Variants in KCNQ1 observed in about 807,000 individuals in gnomAD.
The protein encoded by KCNQ1 is potassium voltage-gated channel subfamily KQT member 1.
Under a neutral mutation model 72.4 loss-of-function variants are expected in KCNQ1, and 49 were observed. The observed-to-expected ratio is 0.68, with a 90% CI of 0.54 to 0.86. KCNQ1 has a LOEUF of 0.86. Among genes scored for constraint, KCNQ1 ranks in the 40% least tolerant of loss-of-function variants. The probability of loss-of-function intolerance (pLI) is 0.00; values close to 1 mark genes in which losing one functional copy is unlikely to be tolerated. For synonymous variants in KCNQ1, 450 were observed against 412.6 expected (o/e 1.09, Z -1.10); for missense variants, 790 against 945.1 (o/e 0.84, Z 2.15).
chr11:2,487,688 T>C (rs1012776596), intron 1 of KCNQ1, among the ~76,000 whole-genome samples: 3 of 152,204 alleles, frequency 2.0e-5, no homozygotes, highest in Admixed American at 2.0e-4. Flanking sequence ...CATATAGAAA[T>C]GCAACTGATT....
rs528058560 is a variant in KCNQ1, at chr11:2,493,490, C to T, written c.387-34438C>T. On this transcript the variant is annotated intron_variant, in intron 1 of 15. Transcript: ENST00000155840. This position sits in a 1 kb window ranked among gnomAD's most constrained non-coding sequence, Gnocchi z 5.3. Reference sequence around the variant, plus strand: ...AGGGTTTCCGTGGTTTTAGGTTTTACATTTAAGTCTTTAATCATCTTGAGT... The same window carrying T: ...AGGGTTTCCGTGGTTTTAGGTTTTATATTTAAGTCTTTAATCATCTTGAGT... 6.6e-6 allele frequency among the ~76,000 whole-genome samples: 1 copy of T among 152,294 alleles called. No homozygotes were observed. Among genetic ancestry groups the T allele is most frequent in the African/African-American group, 2.4e-5 (1 of 41,560 alleles).
intron 10 of KCNQ1, chr11:2,646,924 T>C (rs995988059): frequency 2.5e-6 from 1 of 398,562 alleles, no homozygotes; most frequent in Non-Finnish European, 4.4e-6. Flanking sequence ...TATAAGATTA[T>C]GCCATCTGCA....
chr11:2,676,636 C>G lies in KCNQ1; in HGVS notation c.1514+14555C>G, dbSNP rs1467456881. On this transcript the variant is annotated intron_variant, in intron 11 of 15. Transcript: ENST00000155840. This position sits in a 1 kb window ranked among gnomAD's most constrained non-coding sequence, Gnocchi z 4.2. ...TAAGAAATGGGTAGCTTCACAGATTCACAGATAGATAGTTCATTAAGGTCT... is the reference window on the plus strand; with the variant it reads ...TAAGAAATGGGTAGCTTCACAGATTGACAGATAGATAGTTCATTAAGGTCT... 1 of 398,654 alleles carries G rather than the reference C, an allele frequency of 2.5e-6. No individual in the cohort carries two copies. Among genetic ancestry groups the G allele is most frequent in the African/African-American group, 2.1e-5 (1 of 48,746 alleles). The allele number at this position is 398,654 out of a possible 1,614,324, so 24.7% of individuals were successfully genotyped here.
In KCNQ1 at chr11:2,652,438, T is replaced by C. The variant is rs1472447473; in HGVS notation, c.1394-9523T>C. ...ATTTTGTCTTGAAAATCAAGGCCAC[T>C]TTTTTGTTTTCTCCATCCAAAGACC... On this transcript the variant is annotated intron_variant, in intron 10 of 15. Coordinates refer to ENST00000155840, the MANE Select transcript of KCNQ1 (RefSeq NM_000218.3). This position sits in a 1 kb window ranked among gnomAD's most constrained non-coding sequence, Gnocchi z 5.9. 1 of 398,534 alleles carries C rather than the reference T, an allele frequency of 2.5e-6. No individual in the cohort carries two copies. Among genetic ancestry groups the C allele is most frequent in the East Asian group, 3.6e-5 (1 of 28,098 alleles). The allele number at this position is 398,534 out of a possible 1,614,324, so 24.7% of individuals were successfully genotyped here. A position where few individuals can be genotyped will look rare whatever the true frequency, so the allele number is the denominator to read the frequency against.
At chr11:2,576,816 G>A (rs1848429915) in intron 6 of KCNQ1, among the ~76,000 whole-genome samples, 1 of 152,242 alleles carries the variant, frequency 6.6e-6, no homozygotes, top group Non-Finnish European at 1.5e-5. Context: ...GAAGAGCTGG[G>A]GAAGCCAAGG....
intron 2 of KCNQ1, among the ~76,000 whole-genome samples, chr11:2,531,521 G>T: frequency 6.6e-6 from 1 of 152,166 alleles, no homozygotes; most frequent in Non-Finnish European, 1.5e-5. Context: ...CATCCCAGCA[G>T]CCCTGCCCAC....
intron 1 of KCNQ1, among the ~76,000 whole-genome samples, chr11:2,448,643 T>C (rs1846078578): frequency 1.3e-5 from 2 of 152,230 alleles, no homozygotes; most frequent in South Asian, 2.1e-4. Context: ...GACGGGGCTC[T>C]CTGAGCCATC....
At chr11:2,709,211 G>A (rs892428771) in intron 11 of KCNQ1, among the ~76,000 whole-genome samples, 2 of 142,340 alleles carry the variant, frequency 1.4e-5, no homozygotes, top group Admixed American at 7.4e-5. Flanking sequence ...TCTCCTGCAC[G>A]GCTTCCAGGC....
chr11:2,517,881 C>T (rs1198952255), intron 1 of KCNQ1, among the ~76,000 whole-genome samples: 1 of 152,230 alleles, frequency 6.6e-6, no homozygotes. Flanking sequence ...GGTGGCGGAA[C>T]GCTGCCTCAG....
intron 11 of KCNQ1, chr11:2,693,573 G>T (rs560499996): frequency 5.0e-6 from 2 of 398,672 alleles, no homozygotes; most frequent in East Asian, 7.1e-5. Context: ...GAGGAGCAGG[G>T]ATTCTTCCAT....
intron 1 of KCNQ1, among the ~76,000 whole-genome samples, chr11:2,503,825 G>A (rs941652970): frequency 5.9e-5 from 9 of 152,160 alleles, no homozygotes; most frequent in Admixed American, 1.3e-4. Flanking sequence ...CAAAAGATAG[G>A]CAATAATGGA....
chr11:2,694,789 G>A (rs1850647477), intron 11 of KCNQ1: 3 of 398,624 alleles, frequency 7.5e-6, no homozygotes, highest in Non-Finnish European at 1.3e-5. Context: ...GCAGAGACTC[G>A]AAAGGTAGTC....
In KCNQ1 at chr11:2,673,912, G is replaced by A. The variant is rs1171166761; in HGVS notation, c.1514+11831G>A. On this transcript the variant is annotated intron_variant, in intron 11 of 15. Coordinates refer to ENST00000155840, the MANE Select transcript of KCNQ1 (RefSeq NM_000218.3). The surrounding 1 kb of genome is among the most constrained non-coding windows in gnomAD (Gnocchi z 4.5). ...AAGGGATGGGAGCTCAGCTCACCGG[G>A]TGCTAGACAAGGGAGTGTGTCTCTT... 2 of 397,344 alleles carry A rather than the reference G, an allele frequency of 5.0e-6. No homozygotes were observed. Among genetic ancestry groups the A allele is most frequent in the Non-Finnish European group, 8.9e-6 (2 of 225,914 alleles). The allele number at this position is 397,344 out of a possible 1,614,324, so 24.6% of individuals were successfully genotyped here.
Position 2,610,563 on chromosome 11 carries a change from T to C in KCNQ1, c.1393+21709T>C, listed in dbSNP as rs377661735. On this transcript the variant is annotated intron_variant, in intron 10 of 15. Transcript: ENST00000155840. ...TGCTTTTGGATATATGTGAACTTCC[T>C]GGGAGCACTTCCTTTTTGCCTGAAG... The C allele has an allele frequency of 2.6e-4, 103 of 398,472 alleles. No homozygotes were observed. In the East Asian group the frequency reaches 3.5e-3, roughly 13 times the overall value. The allele number at this position is 398,472 out of a possible 1,614,324, so 24.7% of individuals were successfully genotyped here. A position where few individuals can be genotyped will look rare whatever the true frequency, so the allele number is the denominator to read the frequency against.
rs1007130848 is a variant in KCNQ1 at position 2,595,550 on chromosome 11, G to A, written c.1393+6696G>A. ...GCTCTATAATGAAGCAACAAAGCCC[G>A]ATGACAGTACATCTGTTGACAACAT... is the stretch of plus-strand genomic sequence containing the variant. On this transcript the variant is annotated intron_variant, in intron 10 of 15. Transcript: ENST00000155840. The surrounding 1 kb of genome is among the most constrained non-coding windows in gnomAD (Gnocchi z 5.0). Among the ~76,000 whole-genome samples the A allele has an allele frequency of 2.0e-5, 3 of 152,126 alleles. No individual in the cohort carries two copies. Among genetic ancestry groups the A allele is most frequent in the African/African-American group, 2.4e-5 (1 of 41,424 alleles).
At chr11:2,688,131 G>A (rs1850523255) in intron 11 of KCNQ1, 2 of 398,714 alleles carry the variant, frequency 5.0e-6, no homozygotes, top group South Asian at 2.5e-4. Flanking sequence ...GATACAGGCT[G>A]AGGTGGAGAG....
chr11:2,627,798 A>G lies in KCNQ1; in HGVS notation c.1394-34163A>G, dbSNP rs1035829643. On this transcript the variant is annotated intron_variant, in intron 10 of 15. Coordinates refer to ENST00000155840, the MANE Select transcript of KCNQ1 (RefSeq NM_000218.3). The surrounding 1 kb of genome is among the most constrained non-coding windows in gnomAD (Gnocchi z 4.9). ...CAGGGTCTCCATCTGTCATCCAGGC[A>G]GGAGTACAGTGGCACAATCACAGTT... 1 of 398,338 alleles carries G rather than the reference A, an allele frequency of 2.5e-6. No homozygotes were observed. Among genetic ancestry groups the G allele is most frequent in the Admixed American group, 4.4e-5 (1 of 22,716 alleles). The allele number at this position is 398,338 out of a possible 1,614,324, so 24.7% of individuals were successfully genotyped here. A position where few individuals can be genotyped will look rare whatever the true frequency, so the allele number is the denominator to read the frequency against.
rs1849961420 is a variant in KCNQ1 at position 2,661,833 on chromosome 11, G to A, written c.1394-128G>A. ...CCAACACCCAACTATAAAACTGATT[G>A]TCAGGGCTGGAGCTTCCAGGCACAA... On this transcript the variant is annotated intron_variant, in intron 10 of 15. Transcript: ENST00000155840. The surrounding 1 kb of genome is among the most constrained non-coding windows in gnomAD (Gnocchi z 5.9). 1.9e-6 allele frequency: 2 copies of A among 1,080,978 alleles called. No homozygotes were observed. The highest frequency in any genetic ancestry group is 1.8e-5 in the Admixed American group (1 of 55,844). 67.0% of individuals were successfully genotyped at this position (1,080,978 alleles called of 1,614,324 possible). A position where few individuals can be genotyped will look rare whatever the true frequency, so the allele number is the denominator to read the frequency against.
rs915441250 is a variant in KCNQ1 at position 2,447,597 on chromosome 11, G to A, written c.386+2113G>A. On this transcript the variant is annotated intron_variant, in intron 1 of 15. Transcript: ENST00000155840. This position sits in a 1 kb window ranked among gnomAD's most constrained non-coding sequence, Gnocchi z 7.6. ...GGAGACCTGGTCATAGAACCAGGAT[G>A]GCAGAGTAGCTGGAGGCCACCTGCA... is the stretch of plus-strand genomic sequence containing the variant. 6.6e-6 allele frequency among the ~76,000 whole-genome samples: 1 copy of A among 152,158 alleles called. No homozygotes were observed. The highest frequency in any genetic ancestry group is 1.5e-5 in the Non-Finnish European group (1 of 68,030).
Sources: allele counts gnomAD v4.1 joint callset (sites outside exome capture counted in the v4.1 genomes callset), GRCh38; gene constraint gnomAD v4.1.1; non-coding constraint Gnocchi (gnomAD v3.1); transcripts MANE v1.5; gene names NCBI Gene and HGNC (gene_info 2026-07-23, HGNC 2026-07-21).